The following PCDH11X variants were observed in gnomAD, a reference collection of about 807,000 sequenced individuals.
PCDH11X encodes protocadherin 11 X-linked.
A neutral mutation model predicts 53.3 loss-of-function variants in PCDH11X; 18 were observed. The ratio of observed to expected loss-of-function variants is 0.34; its 90% CI spans 0.23 to 0.50. The LOEUF is 0.50. PCDH11X is among the 20% of genes least tolerant of loss of function. The pLI, the probability that PCDH11X is intolerant of heterozygous loss-of-function variation, is 0.98. For missense variants in PCDH11X, 570 were observed against 1,032.4 expected, an observed-to-expected ratio of 0.55 and a Z score of 6.14; for synonymous variants, 279 against 393.3, an observed-to-expected ratio of 0.71 and a Z score of 3.44.
At chrX:92,165,434 TTG>T (rs201948862) in intron 6 of PCDH11X, among the ~76,000 whole-genome samples, 41,987 of 110,516 alleles carry the variant, frequency 0.38, 6,315 homozygotes, top group East Asian at 0.65. Flanking sequence ...TGGGATTTTA[TTG>T]TCTGTACAGG....
chrX:92,576,279 G>T (rs1922960735), intron 10 of PCDH11X, among the ~76,000 whole-genome samples: 1 of 94,181 alleles, frequency 1.1e-5, no homozygotes, highest in African/African-American at 3.9e-5. Flanking sequence ...CTGGCTATGT[G>T]CCTTCATAGG....
chrX:92,089,426 G>C (rs2064010597), intron 6 of PCDH11X, among the ~76,000 whole-genome samples: 1 of 112,109 alleles, frequency 8.9e-6, no homozygotes, highest in South Asian at 3.6e-4. Flanking sequence ...CTTGAAATTA[G>C]CTTTATGGGA....
At chrX:91,892,502 A>C (rs757285835) in intron 6 of PCDH11X, among the ~76,000 whole-genome samples, 1 of 110,126 alleles carries the variant, frequency 9.1e-6, no homozygotes, top group South Asian at 3.9e-4. Context: ...CTTGCCATGC[A>C]CCTCATATTT....
In PCDH11X at chrX:92,241,032, C is replaced by G. The variant is rs2067254301; in HGVS notation, c.3115-22082C>G. On this transcript the variant is annotated intron_variant, in intron 7 of 10. Transcript: ENST00000682573. ...ACATTTTTAATTCAGGTTACACTGC[C>G]TCAGAAGAATGTTGCTTAGTATATA... Among the ~76,000 whole-genome samples, 3 of 110,848 alleles carry G rather than the reference C, an allele frequency of 2.7e-5. No homozygotes were observed. The Admixed American group carries it at 2.9e-4, about 11-fold the overall frequency.
At chrX:92,223,681 CTATT>C (rs989651374) in intron 7 of PCDH11X, among the ~76,000 whole-genome samples, 5 of 111,941 alleles carry the variant, frequency 4.5e-5, no homozygotes, top group Admixed American at 9.5e-5. Flanking sequence ...TTTCACCAAA[CTATT>C]TAATAGCTCT....
chrX:91,876,389 T>A (rs1444725951), intron 5 of PCDH11X, among the ~76,000 whole-genome samples: 1 of 111,264 alleles, frequency 9.0e-6, no homozygotes, highest in Non-Finnish European at 1.9e-5. Flanking sequence ...TTAATTAATT[T>A]AAAAAAACTG....
In PCDH11X at chrX:92,568,400, T is replaced by C. The variant is rs1921773418; in HGVS notation, c.3368-49864T>C. On this transcript the variant is annotated intron_variant, in intron 10 of 10. Transcript: ENST00000682573. ...TGGCGCCACTGCATTCCAGCCTGGG[T>C]GACAGAGTGAGACTCTGTCTCCAAA... Among the ~76,000 whole-genome samples the C allele has an allele frequency of 1.0e-4, 11 of 107,063 alleles. No individual in the cohort carries two copies. In the South Asian group the frequency reaches 1.3e-3, roughly 12 times the overall value. 93.0% of individuals were successfully genotyped at this position (107,063 alleles called of 115,157 possible).
rs773747756 is a variant in PCDH11X, at chrX:91,952,686, G to A, written c.3033+73413G>A. Among the ~76,000 whole-genome samples the A allele has an allele frequency of 2.7e-3, 302 of 111,347 alleles. 1 individual carries two copies. The highest frequency in any genetic ancestry group is 9.3e-3 in the African/African-American group (286 of 30,651). ...CATATGATCCAGCAATCCCACTCCT[G>A]GGCATATACTGAAAAGAAAAGGAAT... On this transcript the variant is annotated intron_variant, in intron 6 of 10. Transcript: ENST00000682573.
In PCDH11X at chrX:91,825,702, C is replaced by T. The variant is rs1416307527; in HGVS notation, c.-44-9759C>T. On this transcript the variant is annotated intron_variant, in intron 4 of 10. Coordinates refer to ENST00000682573, the MANE Select transcript of PCDH11X (RefSeq NM_032968.5). ...TATTCGGCCATCTTGGCTCCTCCCT[C>T]CAGCAAGCATTTCTTAAGCACTTAC... 2.8e-5 allele frequency among the ~76,000 whole-genome samples: 3 copies of T among 108,214 alleles called. No homozygotes were observed. The East Asian group carries it at 8.5e-4, about 31-fold the overall frequency. 94.0% of individuals were successfully genotyped at this position (108,214 alleles called of 115,157 possible).
chrX:92,403,784 G>A (rs1326057614), intron 9 of PCDH11X, among the ~76,000 whole-genome samples: 1 of 111,587 alleles, frequency 9.0e-6, no homozygotes, highest in Non-Finnish European at 1.9e-5. Flanking sequence ...GCAAAGCTTT[G>A]TCTTCTGGAT....
chrX:91,790,422 T>C (rs1187611656), intron 1 of PCDH11X, among the ~76,000 whole-genome samples: 3 of 112,419 alleles, frequency 2.7e-5, no homozygotes, highest in Non-Finnish European at 5.6e-5. Flanking sequence ...CCTAAAGATA[T>C]TGGTTTGTAA....
At chrX:92,453,889 A>T (rs948134451) in intron 9 of PCDH11X, among the ~76,000 whole-genome samples, 4 of 109,856 alleles carry the variant, frequency 3.6e-5, no homozygotes, top group Non-Finnish European at 7.6e-5. Context: ...TGTGCGTATA[A>T]ATTGAATATA....
chrX:92,232,476 A>G lies in PCDH11X; in HGVS notation c.3115-30638A>G, dbSNP rs184750695. 1.4e-4 allele frequency among the ~76,000 whole-genome samples: 16 copies of G among 111,786 alleles called. 2 individuals are homozygous for G. In the South Asian group the frequency reaches 6.0e-3, roughly 42 times the overall value. ...TACTTAATGCTTAAATGTTTTCTCT[A>G]AAGTTTGCTAGAAATATAAATATCT... On this transcript the variant is annotated intron_variant, in intron 7 of 10. Coordinates refer to ENST00000682573, the MANE Select transcript of PCDH11X (RefSeq NM_032968.5).
intron 7 of PCDH11X, among the ~76,000 whole-genome samples, chrX:92,247,220 C>G (rs771980214): frequency 8.9e-6 from 1 of 111,888 alleles, no homozygotes; most frequent in African/African-American, 3.2e-5. Flanking sequence ...TGAAGAGTAA[C>G]TGTATTTACT....
intron 6 of PCDH11X, among the ~76,000 whole-genome samples, chrX:91,908,108 T>C (rs1247870277): frequency 8.9e-6 from 1 of 111,803 alleles, no homozygotes; most frequent in Non-Finnish European, 1.9e-5. Context: ...GACATAGGCA[T>C]GGGCAAAGAT....
At chrX:92,004,146 G>A (rs1047607933) in intron 6 of PCDH11X, among the ~76,000 whole-genome samples, 2 of 111,532 alleles carry the variant, frequency 1.8e-5, no homozygotes, top group African/African-American at 6.5e-5. Flanking sequence ...TGACCAACTG[G>A]TCATTCAGCA....
intron 6 of PCDH11X, among the ~76,000 whole-genome samples, chrX:91,937,387 A>G (rs1434542261): frequency 9.0e-6 from 1 of 110,557 alleles, no homozygotes; most frequent in Non-Finnish European, 1.9e-5. Context: ...TTCCCATTGC[A>G]TCAAACACAG....
intron 10 of PCDH11X, among the ~76,000 whole-genome samples, chrX:92,483,090 C>G (rs2073543339): frequency 9.1e-6 from 1 of 109,843 alleles, no homozygotes; most frequent in South Asian, 3.9e-4. Context: ...CAAAGATAAC[C>G]AAGGTATTTA....
chrX:92,534,685 G>A (rs745697545), intron 10 of PCDH11X, among the ~76,000 whole-genome samples: 8 of 110,836 alleles, frequency 7.2e-5, no homozygotes, highest in South Asian at 3.9e-4. Flanking sequence ...AGGGAAGCCC[G>A]TCAGACTAAC....
Sources: gnomAD v4.1 joint callset for allele counts (sites outside exome capture counted in the v4.1 genomes callset) on GRCh38, gnomAD v4.1.1 for gene constraint, MANE v1.5 for transcripts, NCBI Gene and HGNC (gene_info 2026-07-23, HGNC 2026-07-21) for gene names.